Variants in KIAA1210 observed in about 807,000 individuals in gnomAD.
KIAA1210 encodes the protein KIAA1210.
KIAA1210 carries 48 observed loss-of-function variants against 78.9 expected under a neutral mutation model. The ratio of observed to expected loss-of-function variants is 0.61; its 90% CI spans 0.48 to 0.77. The LOEUF is 0.77. KIAA1210 is among the 30% of genes least tolerant of loss of function. The pLI, the probability that KIAA1210 is intolerant of heterozygous loss-of-function variation, is 0.00. For missense variants in KIAA1210, 1,108 were observed against 1,100.0 expected, an observed-to-expected ratio of 1.01 and a Z score of -0.10; for synonymous variants, 406 against 404.5, an observed-to-expected ratio of 1.00 and a Z score of -0.04.
In KIAA1210 at chrX:119,081,158, TCGGGAGACTGAGG is replaced by T. The variant is rs770897459; in HGVS notation, c.*158_*170del. 1,966 of 338,585 alleles carry T rather than the reference TCGGGAGACTGAGG, an allele frequency of 5.8e-3. 6 individuals carry two copies. Among genetic ancestry groups the T allele is most frequent in the Non-Finnish European group, 8.2e-3 (1,696 of 207,222 alleles). The allele number at this position is 338,585 out of a possible 1,213,427, so 27.9% of individuals were successfully genotyped here. ...GGCGGGCGCCTGTAGTCCCAGCTAG[TCGGGAGACTGAGG>T]CGGGAGAGTGGCGTGAACCCGGGAG... On this transcript the variant is annotated 3_prime_UTR_variant, in exon 12 of 12. Coordinates refer to ENST00000691062, the MANE Select transcript of KIAA1210 (RefSeq NM_001394962.1).
At chrX:119,101,392 CT>C (rs10710182) in intron 6 of KIAA1210, among the ~76,000 whole-genome samples, 5,443 of 111,187 alleles carry the variant, frequency 0.049, 357 homozygotes, top group African/African-American at 0.17. Context: ...AGCTGTCACT[CT>C]TGAGAAAAAA....
Position 119,123,593 on chromosome X carries a change from G to T in KIAA1210, c.50C>A (p.Ala17Asp), listed in dbSNP as rs1408900532. The T allele has an allele frequency of 6.7e-6, 8 of 1,194,567 alleles. No individual in the cohort carries two copies. The African/African-American group carries it at 1.2e-4, about 18-fold the overall frequency. ...EISDSLDVLE[A>D]GDEGKKKCKF... Reference sequence around the variant, plus strand: ...ATTGGGTTACTTACCCTCATCACCGGCCTCCAGAACATCCAGACTGTCAGA... The same window carrying T: ...ATTGGGTTACTTACCCTCATCACCGTCCTCCAGAACATCCAGACTGTCAGA... Residue 17 changes from alanine to aspartate, a missense_variant, in exon 2 of 12, where the codon GCC (alanine) becomes GAC (aspartate). Around this residue, in one of 5 missense-constraint regions of KIAA1210, gnomAD observed 672 missense variants for 607.1 expected, o/e 1.11. Transcript: ENST00000691062.
chrX:119,110,207 T>G (rs1028496687), intron 3 of KIAA1210, among the ~76,000 whole-genome samples: 3 of 112,282 alleles, frequency 2.7e-5, no homozygotes, highest in African/African-American at 9.7e-5. Flanking sequence ...ATTGGCTTAA[T>G]GTATGAAAAT....
chrX:119,085,818 G>A (rs982833526), intron 9 of KIAA1210, among the ~76,000 whole-genome samples: 2 of 112,759 alleles, frequency 1.8e-5, no homozygotes, highest in Admixed American at 9.3e-5. Context: ...GTAGGACAAC[G>A]CTTGCCAGGT....
intron 1 of KIAA1210, among the ~76,000 whole-genome samples, chrX:119,123,902 C>T (rs1928540853): frequency 9.0e-6 from 1 of 110,946 alleles, no homozygotes; most frequent in Admixed American, 9.5e-5. Flanking sequence ...TTGCTCAGGG[C>T]TGGGAGGATG....
chrX:119,087,973 G>T lies in KIAA1210; in HGVS notation c.2729C>A (p.Ser910Tyr). ...PVAPTPSKYTSPPWVTPKFEE... is the reference protein window; with the variant it reads ...PVAPTPSKYTYPPWVTPKFEE... ...AAATTTAGGGGTCACCCATGGCGGGGAAGTGTATTTGGAAGGTGTTGGTGC... is the reference window on the plus strand; with the variant it reads ...AAATTTAGGGGTCACCCATGGCGGGTAAGTGTATTTGGAAGGTGTTGGTGC... The change falls in exon 9 of 12, where the codon TCC becomes TAC. Residue 910 changes from serine to tyrosine, a missense_variant. By Grantham distance (144) the Ser-to-Tyr change is moderately radical. Around this residue, in one of 5 missense-constraint regions of KIAA1210, gnomAD observed 179 missense variants for 174.1 expected, o/e 1.03. Transcript: ENST00000691062. The T allele has an allele frequency of 1.2e-5, 15 of 1,210,535 alleles. No individual in the cohort carries two copies. Among genetic ancestry groups the T allele is most frequent in the African/African-American group, 1.7e-5 (1 of 57,498 alleles).
chrX:119,145,839 G>T, intron 2 of KIAA1210, among the ~76,000 whole-genome samples: 1 of 112,036 alleles, frequency 8.9e-6, no homozygotes, highest in Non-Finnish European at 1.9e-5. Flanking sequence ...TTTCATGAAA[G>T]AGTAAAACCG....
chrX:119,090,638 T>C (rs1266139244), intron 8 of KIAA1210, among the ~76,000 whole-genome samples: 1 of 110,410 alleles, frequency 9.1e-6, no homozygotes, highest in Non-Finnish European at 1.9e-5. Context: ...TGGCCCCCTT[T>C]TCTTCTTTTT....
chrX:119,105,678 G>A (rs1569317146), intron 5 of KIAA1210, among the ~76,000 whole-genome samples: 5 of 111,059 alleles, frequency 4.5e-5, no homozygotes, highest in South Asian at 3.8e-4. Context: ...TGATTTTCTG[G>A]GATTTTAAAG....
At chrX:119,128,886 G>A (rs967263656), upstream of KIAA1210, among the ~76,000 whole-genome samples, 1 of 111,215 alleles carries the variant, frequency 9.0e-6, no homozygotes, top group African/African-American at 3.3e-5. Context: ...TGTTGGTCAG[G>A]CTGGTCTCAA....
intron 2 of KIAA1210, among the ~76,000 whole-genome samples, chrX:119,133,422 A>C (rs1350068028): frequency 9.0e-6 from 1 of 111,640 alleles, no homozygotes; most frequent in African/African-American, 3.3e-5. Flanking sequence ...TTGGTGGGGT[A>C]GGGGTTTGAT....
chrX:119,102,343 G>C (rs1927758739), intron 6 of KIAA1210, among the ~76,000 whole-genome samples: 1 of 112,301 alleles, frequency 8.9e-6, no homozygotes, highest in East Asian at 2.8e-4. Flanking sequence ...GTTCTCCTTT[G>C]ATGTATTAGC....
At chrX:119,135,119 G>A (rs1031799161) in intron 2 of KIAA1210, among the ~76,000 whole-genome samples, 7 of 111,843 alleles carry the variant, frequency 6.3e-5, no homozygotes, top group Admixed American at 2.9e-4. Flanking sequence ...GGTCATACAC[G>A]TTGTGAGTAA....
At chrX:119,140,051 T>C (rs73594422) in intron 2 of KIAA1210, among the ~76,000 whole-genome samples, 162 of 112,204 alleles carry the variant, frequency 1.4e-3, no homozygotes, top group African/African-American at 4.9e-3. Context: ...TTTCCTGAGA[T>C]GATCTTTCAA....
At chrX:119,089,928 A>G (rs749405295) in intron 8 of KIAA1210, among the ~76,000 whole-genome samples, 182 bp from the exon 9 acceptor site, 2 of 111,723 alleles carry the variant, frequency 1.8e-5, no homozygotes, top group East Asian at 5.6e-4. Flanking sequence ...GGATATTTTT[A>G]AGCCAAAGAG....
chrX:119,126,839 G>A (rs1928661271), intron 1 of KIAA1210, among the ~76,000 whole-genome samples: 1 of 112,373 alleles, frequency 8.9e-6, no homozygotes, highest in African/African-American at 3.2e-5. Context: ...GGAAGGCCAA[G>A]GTGGGTGGAT....
chrX:119,109,120 T>C lies in KIAA1210; in HGVS notation c.313A>G (p.Lys105Glu). 1.7e-6 allele frequency: 2 copies of C among 1,209,353 alleles called. No individual in the cohort carries two copies. Among genetic ancestry groups the C allele is most frequent in the Non-Finnish European group, 1.1e-6 (1 of 893,702 alleles). ...TGGGGATCCATAGAAGGAAACATTTTACTTGCTGATCTTTCAGGCTCAGGA... is the reference window on the plus strand; with the variant it reads ...TGGGGATCCATAGAAGGAAACATTTCACTTGCTGATCTTTCAGGCTCAGGA... ...LGPEPERSASKMFPSMDPQRG... is the reference protein window; with the variant it reads ...LGPEPERSASEMFPSMDPQRG... The change falls in exon 4 of 12, where the codon AAA (lysine) becomes GAA (glutamate). Residue 105 changes from lysine (K) to glutamate (E), a missense_variant. Lys to Glu is a moderately conservative substitution (Grantham distance 56). Around this residue, in one of 5 missense-constraint regions of KIAA1210, gnomAD observed 672 missense variants for 607.1 expected, o/e 1.11. Coordinates refer to ENST00000691062, the MANE Select transcript of KIAA1210 (RefSeq NM_001394962.1).
At chrX:119,089,818 C>A in intron 8 of KIAA1210, 72 bp from the exon 9 acceptor site, 2 of 987,585 alleles carry the variant, frequency 2.0e-6, no homozygotes, top group Non-Finnish European at 1.4e-6. Flanking sequence ...ATACTGTGCC[C>A]TGGCCCAGTG....
In KIAA1210 at chrX:119,088,183, G is replaced by A. The variant is rs370042771; in HGVS notation, c.2519C>T (p.Pro840Leu). ...IAVERVISVEPLLPRYSPQSL... is the reference protein window; with the variant it reads ...IAVERVISVELLLPRYSPQSL... ...CTGAGGAGAATATCTGGGGAGTAGTGGCTCCACAGAAATGACTCTCTCAAC... is the reference window on the plus strand; with the variant it reads ...CTGAGGAGAATATCTGGGGAGTAGTAGCTCCACAGAAATGACTCTCTCAAC... The change falls in exon 9 of 12, where the codon CCA (proline) becomes CTA (leucine). Residue 840 changes from proline (P) to leucine (L), a missense_variant. This residue lies in a region of KIAA1210 where 672 missense variants were observed against 607.1 expected (regional missense o/e 1.11). Transcript: ENST00000691062. The A allele has an allele frequency of 1.7e-5, 21 of 1,208,440 alleles. No individual in the cohort carries two copies. The highest frequency in any genetic ancestry group is 2.3e-5 in the Non-Finnish European group (21 of 893,767).
Sources: allele counts gnomAD v4.1 joint callset (sites outside exome capture counted in the v4.1 genomes callset), GRCh38; gene constraint gnomAD v4.1.1; regional missense constraint gnomAD v4.1.1; transcripts MANE v1.5; gene names NCBI Gene and HGNC (gene_info 2026-07-23, HGNC 2026-07-21).